The following CD4 variants were observed in gnomAD, a reference collection of about 807,000 sequenced individuals.
CD4 encodes CD4 molecule.
CD4 carries 25 observed loss-of-function variants against 50.5 expected under a neutral mutation model. The observed-to-expected ratio is 0.49, with a 90% CI of 0.36 to 0.69. The LOEUF (loss-of-function observed/expected upper bound fraction) is 0.69. Among genes scored for constraint, CD4 ranks in the 30% least tolerant of loss-of-function variants. The pLI, the probability that CD4 is intolerant of heterozygous loss-of-function variation, is 0.00. For synonymous variants in CD4, 207 were observed against 221.9 expected, an observed-to-expected ratio of 0.93 and a Z score of 0.60; for missense variants, 456 against 548.5, an observed-to-expected ratio of 0.83 and a Z score of 1.68.
Position 6,814,290 on chromosome 12 carries a change from AG to A in CD4, c.364del (p.Val122CysfsTer4), listed in dbSNP as rs1555117524. On this transcript the variant is annotated frameshift_variant, in exon 4 of 10. Transcript: ENST00000011653. LOFTEE classifies it high-confidence loss of function. ...EDQKEEVQLLVFGLTANSDTH... is the reference protein window; with the variant it reads ...EDQKEEVQLLXFGLTANSDTH... ...ACCAGAAGGAGGAGGTGCAATTGCT[AG>A]TGTTCGGATGTGAGTGGGGCAGGTG... The A allele has an allele frequency of 6.2e-7, 1 of 1,613,746 alleles. No individual in the cohort carries two copies. Among genetic ancestry groups the A allele is most frequent in the African/African-American group, 1.3e-5 (1 of 74,862 alleles).
chr12:6,807,272 G>T (rs992848407), intron 3 of CD4, among the ~76,000 whole-genome samples: 2 of 152,162 alleles, frequency 1.3e-5, no homozygotes, highest in African/African-American at 4.8e-5. Flanking sequence ...ACAAAAAGCT[G>T]CACACAAATG....
chr12:6,795,663 G>A (rs142461426), intron 1 of CD4, among the ~76,000 whole-genome samples: 7 of 152,268 alleles, frequency 4.6e-5, no homozygotes, highest in Admixed American at 2.6e-4. Flanking sequence ...CCCAGAGAGT[G>A]CTTGCACTCT....
intron 4 of CD4, 64 bp downstream of exon 4, chr12:6,814,364 C>A: frequency 6.5e-7 from 1 of 1,529,654 alleles, no homozygotes; most frequent in Non-Finnish European, 8.9e-7. Context: ...TACTCCCACC[C>A]CTGCACCAAA....
Position 6,815,151 on chromosome 12 carries a change from G to A in CD4, c.607+159G>A, listed in dbSNP as rs1475090614. On this transcript the variant is annotated intron_variant, in intron 5 of 9. Transcript: ENST00000011653. Reference sequence around the variant, plus strand: ...TGAGGCCTGTCTTGAAGGACTCACTGGGGCCCTCATCCTCAGGGGGCTGAT... The same window carrying A: ...TGAGGCCTGTCTTGAAGGACTCACTAGGGCCCTCATCCTCAGGGGGCTGAT... 9 of 604,824 alleles carry A rather than the reference G, an allele frequency of 1.5e-5. No individual in the cohort carries two copies. In the African/African-American group the frequency reaches 1.5e-4, roughly 10 times the overall value. The allele number at this position is 604,824 out of a possible 1,614,324, so 37.5% of individuals were successfully genotyped here. A position where few individuals can be genotyped will look rare whatever the true frequency, so the allele number is the denominator to read the frequency against.
chr12:6,803,885 A>G (rs7132941), intron 3 of CD4, among the ~76,000 whole-genome samples: 136,617 of 151,762 alleles, frequency 0.9, 62,071 homozygotes, highest in Non-Finnish European at 0.97. Context: ...GCCGAGGTGG[A>G]CAGATCATGA....
chr12:6,814,308 G>A lies in CD4; in HGVS notation c.373+8G>A. 2 of 1,612,326 alleles carry A rather than the reference G, an allele frequency of 1.2e-6. No homozygotes were observed. The highest frequency in any genetic ancestry group is 1.7e-6 in the Non-Finnish European group (2 of 1,178,814). On this transcript the variant is annotated splice_region_variant and intron_variant, in intron 4 of 9. Coordinates refer to ENST00000011653, the MANE Select transcript of CD4 (RefSeq NM_000616.5). ...AATTGCTAGTGTTCGGATGTGAGTG[G>A]GGCAGGTGGGGATGAGGATACCTCC... is the stretch of plus-strand genomic sequence containing the variant.
chr12:6,796,025 C>G (rs773590613), intron 1 of CD4, among the ~76,000 whole-genome samples: 1 of 152,164 alleles, frequency 6.6e-6, no homozygotes, highest in Non-Finnish European at 1.5e-5. Context: ...TTTCAGTGAC[C>G]CGTTTTAGAA....
chr12:6,812,871 C>G (rs1555117227), intron 3 of CD4, among the ~76,000 whole-genome samples: 2 of 118,600 alleles, frequency 1.7e-5, no homozygotes, highest in Non-Finnish European at 3.5e-5. Context: ...ACTGCAAACT[C>G]TGCCTCCCAG....
chr12:6,814,500 T>C (rs1367534786), intron 4 of CD4, 200 bp downstream of exon 4: 1 of 649,538 alleles, frequency 1.5e-6, no homozygotes, highest in Non-Finnish European at 2.6e-6. Flanking sequence ...GGAAGAGGCC[T>C]TGGGAAAAGG....
chr12:6,802,618 C>T (rs781795267), intron 3 of CD4, among the ~76,000 whole-genome samples: 5 of 151,970 alleles, frequency 3.3e-5, no homozygotes, highest in Non-Finnish European at 5.9e-5. Context: ...TATTTTCTTC[C>T]ACTGTTGTTC....
intron 9 of CD4, 49 bp from the exon 10 acceptor site, chr12:6,819,250 G>A (rs782070240): frequency 2.5e-6 from 4 of 1,602,922 alleles, no homozygotes; most frequent in East Asian, 2.2e-5. Context: ...AGAACGCAAA[G>A]GGGTTGCAGT....
intron 5 of CD4, chr12:6,815,823 T>G: frequency 6.8e-7 from 1 of 1,479,584 alleles, no homozygotes; most frequent in Non-Finnish European, 9.0e-7. Context: ...GCTGGGCTGC[T>G]CTGTGATGGC....
intron 3 of CD4, among the ~76,000 whole-genome samples, chr12:6,811,480 CTTTTCT>C (rs1942934709): frequency 7.2e-6 from 1 of 139,720 alleles, no homozygotes; most frequent in Non-Finnish European, 1.5e-5. Flanking sequence ...TTTCTTTTTT[CTTTTCT>C]TTTTCTTTTT....
chr12:6,816,214 C>A lies in CD4; in HGVS notation c.766C>A (p.Leu256Met), dbSNP rs782644958. ...CTCCAAGTCTTGGATCACCTTTGACCTGAAGAACAAGGAAGTGTCTGTAAA... is the reference window on the plus strand; with the variant it reads ...CTCCAAGTCTTGGATCACCTTTGACATGAAGAACAAGGAAGTGTCTGTAAA... ...SSSKSWITFD[L>M]KNKEVSVKRV... The change falls in exon 6 of 10, where the codon CTG becomes ATG. Residue 256 changes from leucine (L) to methionine (M), a missense_variant. Coordinates refer to ENST00000011653, the MANE Select transcript of CD4 (RefSeq NM_000616.5). The surrounding 1 kb of genome is among the most constrained non-coding windows in gnomAD (Gnocchi z 4.9). 1.2e-6 allele frequency: 2 copies of A among 1,614,178 alleles called. No individual in the cohort carries two copies. The highest frequency in any genetic ancestry group is 1.7e-5 in the Admixed American group (1 of 60,026).
At chr12:6,803,533 C>G (rs782236173) in intron 3 of CD4, among the ~76,000 whole-genome samples, 69 of 151,570 alleles carry the variant, frequency 4.6e-4, no homozygotes, top group African/African-American at 1.5e-3. Context: ...GCCTGTAATC[C>G]CAGCACTTTG....
intron 3 of CD4, among the ~76,000 whole-genome samples, chr12:6,802,464 A>T (rs1942593303): frequency 6.6e-6 from 1 of 151,776 alleles, no homozygotes; most frequent in Non-Finnish European, 1.5e-5. Context: ...GCACGCCACC[A>T]TGTTCACCTA....
chr12:6,803,853 T>C (rs782551725), intron 3 of CD4, among the ~76,000 whole-genome samples: 3 of 151,666 alleles, frequency 2.0e-5, no homozygotes, highest in Admixed American at 6.6e-5. Flanking sequence ...GGCTCACGCC[T>C]GTAATCCCAG....
At chr12:6,808,613 ATAT>A (rs1942846835) in intron 3 of CD4, among the ~76,000 whole-genome samples, 1 of 151,946 alleles carries the variant, frequency 6.6e-6, no homozygotes, top group East Asian at 1.9e-4. Flanking sequence ...TTAGAAATGT[ATAT>A]TATTAGTATT....
chr12:6,814,543 A>G (rs1943035008), intron 4 of CD4: 4 of 657,272 alleles, frequency 6.1e-6, no homozygotes, highest in South Asian at 3.5e-5. Flanking sequence ...GGAAGGAGGG[A>G]GAGAGACTGG....
Sources: gnomAD v4.1 joint callset for allele counts (sites outside exome capture counted in the v4.1 genomes callset) on GRCh38, gnomAD v4.1.1 for gene constraint, Gnocchi (gnomAD v3.1) non-coding constraint, MANE v1.5 for transcripts, NCBI Gene and HGNC (gene_info 2026-07-23, HGNC 2026-07-21) for gene names.